Variants in TSEN2 observed in about 807,000 individuals in gnomAD.
TSEN2 encodes tRNA-splicing endonuclease subunit Sen2.
TSEN2 carries 54 observed loss-of-function variants against 59.2 expected under a neutral mutation model. The observed-to-expected ratio is 0.91, with a 90% CI of 0.73 to 1.14. TSEN2 has a LOEUF of 1.14. Among genes scored for constraint, TSEN2 ranks in the 50% most tolerant of loss-of-function variants. The probability of loss-of-function intolerance (pLI) is 0.00; values close to 1 mark genes in which losing one functional copy is unlikely to be tolerated. For missense variants in TSEN2, 636 were observed against 576.2 expected, an observed-to-expected ratio of 1.10 and a Z score of -1.06; for synonymous variants, 195 against 198.2, an observed-to-expected ratio of 0.98 and a Z score of 0.14.
chr3:12,532,818 T>G lies in TSEN2; in HGVS notation c.*97T>G. The G allele has an allele frequency of 8.5e-7, 1 of 1,171,604 alleles. No homozygotes were observed. 72.6% of individuals were successfully genotyped at this position (1,171,604 alleles called of 1,614,324 possible). On this transcript the variant is annotated 3_prime_UTR_variant, in exon 12 of 12. Transcript: ENST00000284995. ...GTAATCGTCCATTAATTCATAAGTT[T>G]TAAAGGGCATGGTGCTCCCAGCACC... is the stretch of plus-strand genomic sequence containing the variant.
intron 8 of TSEN2, among the ~76,000 whole-genome samples, chr3:12,525,978 T>G (rs768600773): frequency 1.3e-5 from 2 of 152,158 alleles, no homozygotes; most frequent in African/African-American, 4.8e-5. Flanking sequence ...TATAATCTTA[T>G]GGGACCACGG....
downstream of TSEN2, among the ~76,000 whole-genome samples, chr3:12,537,668 G>T (rs2057705895): frequency 6.6e-6 from 1 of 152,234 alleles, no homozygotes; most frequent in East Asian, 1.9e-4. Context: ...GTGGCCCAGG[G>T]GTTAAGGGCA....
chr3:12,530,625 C>T, intron 10 of TSEN2: 1 of 985,436 alleles, frequency 1.0e-6, no homozygotes, highest in Non-Finnish European at 1.2e-6. Context: ...GCCAGAGGGT[C>T]TTGCAGGGCT....
intron 11 of TSEN2, among the ~76,000 whole-genome samples, chr3:12,532,185 T>A (rs1314913772): frequency 1.3e-5 from 2 of 152,198 alleles, no homozygotes; most frequent in Non-Finnish European, 2.9e-5. Flanking sequence ...TCCTGTCTTC[T>A]TTTCACACCA....
chr3:12,480,655 C>T (rs1471359961), upstream of TSEN2, among the ~76,000 whole-genome samples: 1 of 151,118 alleles, frequency 6.6e-6, no homozygotes, highest in Admixed American at 6.6e-5. Flanking sequence ...CTCAGCTTCC[C>T]GAATAGCTGG....
intron 8 of TSEN2, among the ~76,000 whole-genome samples, chr3:12,526,812 G>T (rs1307077997): frequency 1.3e-5 from 2 of 152,232 alleles, no homozygotes; most frequent in Non-Finnish European, 1.5e-5. Flanking sequence ...AAGCTGTGCT[G>T]TGTCGGAGCC....
intron 4 of TSEN2, among the ~76,000 whole-genome samples, chr3:12,502,515 G>A (rs1256142115): frequency 6.6e-6 from 1 of 151,356 alleles, no homozygotes; most frequent in South Asian, 2.1e-4. Flanking sequence ...CAGCCTGGGT[G>A]ACAGAGCAAG....
intron 3 of TSEN2, among the ~76,000 whole-genome samples, chr3:12,493,675 C>T (rs745714890): frequency 2.6e-5 from 4 of 152,032 alleles, no homozygotes; most frequent in Non-Finnish European, 4.4e-5. Flanking sequence ...TGCAGTGAGC[C>T]GAGATTGCAC....
At chr3:12,488,036 C>G (rs570539263) in intron 1 of TSEN2, among the ~76,000 whole-genome samples, 55 of 152,276 alleles carry the variant, frequency 3.6e-4, no homozygotes, top group Non-Finnish European at 7.1e-4. Context: ...CCTCTTTAGT[C>G]TGTGTTTTTC....
At chr3:12,515,391 TCCTC>T (rs2055958879) in intron 6 of TSEN2, among the ~76,000 whole-genome samples, 1 of 152,184 alleles carries the variant, frequency 6.6e-6, no homozygotes, top group South Asian at 2.1e-4. Flanking sequence ...AGAGGGGCCC[TCCTC>T]GTCTGTGTCT....
intron 2 of TSEN2, among the ~76,000 whole-genome samples, chr3:12,490,564 T>A (rs1041981799): frequency 3.9e-5 from 6 of 152,244 alleles, no homozygotes; most frequent in African/African-American, 1.4e-4. Context: ...TTCCATAATC[T>A]GTTCATTGCT....
intron 8 of TSEN2, among the ~76,000 whole-genome samples, chr3:12,524,937 T>G (rs1056853199): frequency 1.3e-5 from 2 of 151,938 alleles, no homozygotes; most frequent in Non-Finnish European, 1.5e-5. Context: ...AGAGACAGGA[T>G]TTCACCATGT....
intron 10 of TSEN2, chr3:12,531,098 C>T (rs968817750): frequency 6.5e-6 from 1 of 154,884 alleles, no homozygotes; most frequent in African/African-American, 2.4e-5. Context: ...ATAAAACCAT[C>T]ACATCTCATG....
chr3:12,509,490 A>G (rs2055203050), intron 6 of TSEN2, among the ~76,000 whole-genome samples: 1 of 152,094 alleles, frequency 6.6e-6, no homozygotes, highest in Non-Finnish European at 1.5e-5. Flanking sequence ...ATGAGCCACC[A>G]CACGCTGCCA....
chr3:12,519,662 C>T (rs994714260), intron 8 of TSEN2, among the ~76,000 whole-genome samples: 1 of 152,056 alleles, frequency 6.6e-6, no homozygotes, highest in Non-Finnish European at 1.5e-5. Context: ...AGGAGAATGG[C>T]GTGAACCCGG....
At chr3:12,511,948 A>G (rs907190493) in intron 6 of TSEN2, among the ~76,000 whole-genome samples, 5 of 152,244 alleles carry the variant, frequency 3.3e-5, no homozygotes, top group South Asian at 2.1e-4. Flanking sequence ...TTAAAACTCT[A>G]TGTTAAAGAC....
intron 8 of TSEN2, among the ~76,000 whole-genome samples, chr3:12,526,476 T>C (rs975625311): frequency 1.3e-5 from 2 of 152,218 alleles, no homozygotes; most frequent in African/African-American, 4.8e-5. Context: ...CTAGGAGCAA[T>C]AAGTGATATC....
intron 1 of TSEN2, among the ~76,000 whole-genome samples, chr3:12,489,456 C>T (rs1368319579): frequency 6.6e-6 from 1 of 152,126 alleles, no homozygotes; most frequent in Non-Finnish European, 1.5e-5. Context: ...TCCTGGTAGA[C>T]AGAAATCCTG....
At chr3:12,520,553 GC>G (rs1228717374) in intron 8 of TSEN2, among the ~76,000 whole-genome samples, 1 of 152,192 alleles carries the variant, frequency 6.6e-6, no homozygotes, top group East Asian at 1.9e-4. Context: ...ACTTTGGGAG[GC>G]CGAGGCGGGC....
Sources: allele counts gnomAD v4.1 joint callset (sites outside exome capture counted in the v4.1 genomes callset), GRCh38; gene constraint gnomAD v4.1.1; transcripts MANE v1.5; gene names NCBI Gene and HGNC (gene_info 2026-07-23, HGNC 2026-07-21).